The following SHISA6 variants were observed in gnomAD, a reference collection of about 807,000 sequenced individuals.
SHISA6 encodes shisa family member 6.
A neutral mutation model predicts 47.9 loss-of-function variants in SHISA6; 22 were observed. The observed-to-expected ratio is 0.46, with a 90% CI of 0.33 to 0.66. SHISA6 has a LOEUF of 0.66. SHISA6 is among the 30% of genes least tolerant of loss of function. SHISA6 has a pLI of 0.02. For missense variants in SHISA6, 680 were observed against 764.6 expected, an observed-to-expected ratio of 0.89 and a Z score of 1.30; for synonymous variants, 388 against 337.8, an observed-to-expected ratio of 1.15 and a Z score of -1.63.
rs774323726 is a variant in SHISA6, at chr17:11,558,327, G to A, written c.*23G>A. On this transcript the variant is annotated 3_prime_UTR_variant, in exon 6 of 6. Transcript: ENST00000441885. ...TGACCGGCGGGGCAGGGCCGGGGCTGCTGGGCGTGGCAGAGCAGAGCGGGG... is the reference window on the plus strand; with the variant it reads ...TGACCGGCGGGGCAGGGCCGGGGCTACTGGGCGTGGCAGAGCAGAGCGGGG... 8.5e-6 allele frequency: 13 copies of A among 1,531,478 alleles called. No homozygotes were observed. In the South Asian group the frequency reaches 1.4e-4, roughly 17 times the overall value. 94.9% of individuals were successfully genotyped at this position (1,531,478 alleles called of 1,614,324 possible). A position where few individuals can be genotyped will look rare whatever the true frequency, so the allele number is the denominator to read the frequency against.
chr17:11,510,606 C>T (rs1412007346), intron 3 of SHISA6, among the ~76,000 whole-genome samples: 2 of 152,184 alleles, frequency 1.3e-5, no homozygotes, highest in South Asian at 2.1e-4. Flanking sequence ...CAAAGGTTCA[C>T]AATATGCCCT....
intron 2 of SHISA6, among the ~76,000 whole-genome samples, chr17:11,285,115 A>G (rs573818151): frequency 3.3e-5 from 5 of 152,222 alleles, no homozygotes; most frequent in East Asian, 1.9e-4. Flanking sequence ...TAATTGATAT[A>G]TGTGCTTCTA....
intron 2 of SHISA6, among the ~76,000 whole-genome samples, chr17:11,264,791 C>T (rs939743657): frequency 2.6e-5 from 4 of 152,246 alleles, no homozygotes; most frequent in South Asian, 2.1e-4. Context: ...AAATTTATTA[C>T]GTCAGAAACC....
At chr17:11,403,477 C>T (rs552273684) in intron 3 of SHISA6, among the ~76,000 whole-genome samples, 3 of 152,162 alleles carry the variant, frequency 2.0e-5, no homozygotes, top group Non-Finnish European at 2.9e-5. Context: ...ATTGCTGGCC[C>T]CATTATTGAT....
intron 3 of SHISA6, among the ~76,000 whole-genome samples, chr17:11,528,523 A>G (rs1159727402): frequency 6.6e-6 from 1 of 152,248 alleles, no homozygotes; most frequent in Non-Finnish European, 1.5e-5. Flanking sequence ...TACAATTGTA[A>G]TGATTAAAAC....
At position 11,558,279 on chromosome 17, in the gene SHISA6, C is replaced by G. The variant is rs1295213421; in HGVS notation, c.1631C>G (p.Ala544Gly). Residue 544 changes from alanine to glycine, a missense_variant, in exon 6 of 6, where the codon GCC becomes GGC. Ala to Gly is a moderately conservative substitution (Grantham distance 60, BLOSUM62 0). Around this residue, in one of 2 missense-constraint regions of SHISA6, gnomAD observed 559 missense variants for 674.1 expected, o/e 0.83. Coordinates refer to ENST00000441885, the MANE Select transcript of SHISA6 (RefSeq NM_207386.4). ...CCGGGCCACCACACCTGCTACACAG[C>G]CAGCAAGACCGAAGTGACCGTGTGA... ...YIPGHHTCYT[A>G]SKTEVTV The G allele has an allele frequency of 1.3e-6, 2 of 1,539,100 alleles. No individual in the cohort carries two copies. Among genetic ancestry groups the G allele is most frequent in the Non-Finnish European group, 1.7e-6 (2 of 1,146,856 alleles).
intron 2 of SHISA6, among the ~76,000 whole-genome samples, chr17:11,311,191 A>G (rs1285493287): frequency 1.3e-5 from 2 of 149,238 alleles, no homozygotes; most frequent in Non-Finnish European, 3.0e-5. Context: ...CTGAGGCAGG[A>G]GAATCGCCTG....
intron 3 of SHISA6, among the ~76,000 whole-genome samples, chr17:11,420,547 T>G (rs972138971): frequency 2.6e-5 from 4 of 152,112 alleles, no homozygotes; most frequent in African/African-American, 4.8e-5. Context: ...ACCACATAGG[T>G]CACAGCCTCC....
intron 3 of SHISA6, among the ~76,000 whole-genome samples, chr17:11,534,035 T>C (rs2071763176): frequency 6.6e-6 from 1 of 151,894 alleles, no homozygotes. Flanking sequence ...TGGAGTGCAA[T>C]GGTGCAATCT....
At chr17:11,490,975 C>G (rs865921752) in intron 3 of SHISA6, among the ~76,000 whole-genome samples, 15 of 148,082 alleles carry the variant, frequency 1.0e-4, no homozygotes, top group South Asian at 2.2e-4. Flanking sequence ...GAGGCAAATT[C>G]AGGGCTCTTG....
chr17:11,450,829 C>G (rs1915376228), intron 3 of SHISA6, among the ~76,000 whole-genome samples: 1 of 152,032 alleles, frequency 6.6e-6, no homozygotes, highest in Admixed American at 6.5e-5. Context: ...TTACAGAAGC[C>G]TATTGCAGTT....
intron 3 of SHISA6, among the ~76,000 whole-genome samples, chr17:11,383,382 G>C (rs1913089689): frequency 6.6e-6 from 1 of 152,154 alleles, no homozygotes; most frequent in Admixed American, 6.5e-5. Context: ...ATAGTTCATG[G>C]GTAATTAAAT....
At chr17:11,293,838 C>T (rs767726768) in intron 2 of SHISA6, among the ~76,000 whole-genome samples, 6 of 152,130 alleles carry the variant, frequency 3.9e-5, no homozygotes, top group Middle Eastern at 3.4e-3. Context: ...CTGCGCAGTT[C>T]GAATAAATTA....
intron 2 of SHISA6, among the ~76,000 whole-genome samples, chr17:11,363,612 G>A (rs1912357770): frequency 6.6e-6 from 1 of 152,146 alleles, no homozygotes; most frequent in Admixed American, 6.5e-5. Context: ...GCAAATAAAA[G>A]TTTAATGCAA....
At chr17:11,373,265 T>C (rs982676417) in intron 2 of SHISA6, among the ~76,000 whole-genome samples, 1 of 152,048 alleles carries the variant, frequency 6.6e-6, no homozygotes, top group African/African-American at 2.4e-5. Flanking sequence ...ACACTCTTTG[T>C]GGCCTTTATT....
intron 2 of SHISA6, among the ~76,000 whole-genome samples, chr17:11,273,043 A>G (rs1908739946): frequency 1.3e-5 from 2 of 152,226 alleles, no homozygotes; most frequent in African/African-American, 4.8e-5. Flanking sequence ...TTCAAATCAT[A>G]TTAGCAACTA....
At chr17:11,294,443 G>A (rs1368711433) in intron 2 of SHISA6, among the ~76,000 whole-genome samples, 1 of 152,190 alleles carries the variant, frequency 6.6e-6, no homozygotes, top group Non-Finnish European at 1.5e-5. Context: ...AAGGGGCAGG[G>A]AGAAGGTAGC....
intron 2 of SHISA6, among the ~76,000 whole-genome samples, chr17:11,273,740 C>T (rs1190044758): frequency 2.6e-5 from 4 of 152,166 alleles, no homozygotes; most frequent in African/African-American, 4.8e-5. Context: ...TGCCCGCAGG[C>T]GCAGGGCTTG....
chr17:11,269,198 G>C (rs542260794), intron 2 of SHISA6, among the ~76,000 whole-genome samples: 29 of 152,148 alleles, frequency 1.9e-4, no homozygotes, highest in African/African-American at 6.7e-4. Context: ...CCCGCCACCA[G>C]ATCCAGTTAA....
Sources: allele counts gnomAD v4.1 joint callset (sites outside exome capture counted in the v4.1 genomes callset), GRCh38; gene constraint gnomAD v4.1.1; regional missense constraint gnomAD v4.1.1; transcripts MANE v1.5; gene names NCBI Gene and HGNC (gene_info 2026-07-23, HGNC 2026-07-21).